Variants in ANXA4 observed in about 807,000 individuals in gnomAD.
ANXA4 encodes 35-beta calcimedin.
ANXA4 carries 39 observed loss-of-function variants against 49.8 expected under a neutral mutation model. That is an observed-to-expected ratio of 0.78 (90% CI 0.61 to 1.02). The LOEUF (loss-of-function observed/expected upper bound fraction) is 1.02, where lower values mean the gene tolerates loss of function less well. Ranked by LOEUF, ANXA4 falls within the 50% of genes least tolerant of loss-of-function variation. The probability of loss-of-function intolerance (pLI) is 0.00; values close to 1 mark genes in which losing one functional copy is unlikely to be tolerated. For missense variants in ANXA4, 360 were observed against 410.1 expected, an observed-to-expected ratio of 0.88 and a Z score of 1.05; for synonymous variants, 134 against 152.5, an observed-to-expected ratio of 0.88 and a Z score of 0.89.
chr2:69,771,580 A>G (rs993976886), intron 1 of ANXA4, among the ~76,000 whole-genome samples: 3 of 152,194 alleles, frequency 2.0e-5, no homozygotes, highest in Non-Finnish European at 4.4e-5. Flanking sequence ...AATGCACCAC[A>G]CTGTTACCTC....
chr2:69,770,609 A>G (rs542842867), intron 1 of ANXA4, among the ~76,000 whole-genome samples: 1 of 152,166 alleles, frequency 6.6e-6, no homozygotes, highest in Non-Finnish European at 1.5e-5. Flanking sequence ...GGAGAGCTTC[A>G]GTTACCGGGG....
chr2:69,742,020 G>A (rs573891325), upstream of ANXA4: 85 of 152,370 alleles, frequency 5.6e-4, no homozygotes, highest in African/African-American at 2.0e-3. Flanking sequence ...CCCCTAGAGA[G>A]GGATTTTCCG....
intron 1 of ANXA4, among the ~76,000 whole-genome samples, chr2:69,760,186 C>G (rs1405181506): frequency 6.6e-6 from 1 of 152,094 alleles, no homozygotes; most frequent in Non-Finnish European, 1.5e-5. Context: ...TTTCTATGAC[C>G]TCTGCAGTTA....
At chr2:69,706,623 C>T (rs1678509247) in intron 2 of ANXA4, among the ~76,000 whole-genome samples, 1 of 152,012 alleles carries the variant, frequency 6.6e-6, no homozygotes, top group Admixed American at 6.6e-5. Context: ...TAATAATGGG[C>T]CATGCCTGCA....
At chr2:69,772,532 T>C (rs561505460) in intron 1 of ANXA4, among the ~76,000 whole-genome samples, 3 of 152,156 alleles carry the variant, frequency 2.0e-5, no homozygotes, top group Admixed American at 6.5e-5. Flanking sequence ...GCTGTAGCAA[T>C]TGTGTTTTGG....
intron 1 of ANXA4, among the ~76,000 whole-genome samples, chr2:69,649,721 C>G (rs891649515): frequency 6.7e-6 from 1 of 149,044 alleles, no homozygotes; most frequent in Non-Finnish European, 1.5e-5. Context: ...AAGCAATCCT[C>G]TCACCTTAGC....
At chr2:69,780,661 G>C (rs539326058) in intron 1 of ANXA4, among the ~76,000 whole-genome samples, 108 of 152,272 alleles carry the variant, frequency 7.1e-4, no homozygotes, top group Non-Finnish European at 1.2e-3. Flanking sequence ...AGGATCGCTT[G>C]AGTCCAGGAG....
At chr2:69,697,388 T>G (rs1678192425) in intron 2 of ANXA4, among the ~76,000 whole-genome samples, 1 of 152,246 alleles carries the variant, frequency 6.6e-6, no homozygotes, top group Non-Finnish European at 1.5e-5. Flanking sequence ...GGCTAGGCTT[T>G]GGATGAAGGG....
At chr2:69,757,422 C>A (rs781137749) in intron 1 of ANXA4, among the ~76,000 whole-genome samples, 2 of 145,688 alleles carry the variant, frequency 1.4e-5, no homozygotes, top group Non-Finnish European at 3.0e-5. Context: ...AGGCACCTAT[C>A]ACCACGCCTA....
At chr2:69,667,586 G>A (rs1476097039) in intron 2 of ANXA4, among the ~76,000 whole-genome samples, 2 of 152,198 alleles carry the variant, frequency 1.3e-5, no homozygotes, top group Non-Finnish European at 2.9e-5. Flanking sequence ...GTGATGTGAT[G>A]TATGGGGATG....
At chr2:69,755,152 A>G (rs1670991400) in intron 1 of ANXA4, among the ~76,000 whole-genome samples, 1 of 152,202 alleles carries the variant, frequency 6.6e-6, no homozygotes, top group African/African-American at 2.4e-5. Context: ...ACTCATAGAG[A>G]CAGATAGTGG....
intron 3 of ANXA4, among the ~76,000 whole-genome samples, chr2:69,799,548 C>T (rs1234724982): frequency 6.6e-6 from 1 of 152,126 alleles, no homozygotes; most frequent in African/African-American, 2.4e-5. Flanking sequence ...GGAAAGTTTT[C>T]TGCTGGGGAC....
intron 1 of ANXA4, among the ~76,000 whole-genome samples, chr2:69,764,130 A>ATTCTC (rs1671410660): frequency 6.6e-6 from 1 of 152,214 alleles, no homozygotes; most frequent in African/African-American, 2.4e-5. Flanking sequence ...TGCAGATGAG[A>ATTCTC]ATCCCTGGTG....
intron 3 of ANXA4, among the ~76,000 whole-genome samples, chr2:69,793,788 G>A (rs573682152): frequency 2.2e-4 from 33 of 151,706 alleles, no homozygotes; most frequent in African/African-American, 7.3e-4. Flanking sequence ...GGAGTCCCAG[G>A]CCACCGGAAG....
At chr2:69,768,594 A>AT (rs1162114937) in intron 1 of ANXA4, among the ~76,000 whole-genome samples, 3 of 152,220 alleles carry the variant, frequency 2.0e-5, no homozygotes, top group Non-Finnish European at 4.4e-5. Context: ...AGTAAATCAA[A>AT]TGGTACCTGA....
At chr2:69,759,819 A>G (rs935470175) in intron 1 of ANXA4, among the ~76,000 whole-genome samples, 3 of 152,174 alleles carry the variant, frequency 2.0e-5, no homozygotes, top group Non-Finnish European at 4.4e-5. Flanking sequence ...AATATTAAAA[A>G]GACAATTAGT....
At chr2:69,753,200 T>C (rs1559144853) in intron 1 of ANXA4, among the ~76,000 whole-genome samples, 1 of 152,240 alleles carries the variant, frequency 6.6e-6, no homozygotes, top group Non-Finnish European at 1.5e-5. Flanking sequence ...ATGCCTAGTA[T>C]ATGATAGGGG....
intron 1 of ANXA4, among the ~76,000 whole-genome samples, chr2:69,764,825 T>C (rs72903089): frequency 0.013 from 1,909 of 152,298 alleles, 47 homozygotes; most frequent in African/African-American, 0.043. Context: ...AAACTGAAAC[T>C]CTGTACTATT....
intron 3 of ANXA4, among the ~76,000 whole-genome samples, chr2:69,728,233 T>C (rs767769923): frequency 3.3e-5 from 5 of 152,228 alleles, no homozygotes; most frequent in East Asian, 1.9e-4. Context: ...TCTCATGCTT[T>C]TGCTCCATAG....
Sources: gnomAD v4.1 joint callset for allele counts (sites outside exome capture counted in the v4.1 genomes callset) on GRCh38, gnomAD v4.1.1 for gene constraint, MANE v1.5 for transcripts, NCBI Gene and HGNC (gene_info 2026-07-23, HGNC 2026-07-21) for gene names.